The following IL1RAPL1 variants were observed in gnomAD, a reference collection of about 807,000 sequenced individuals.
IL1RAPL1 encodes interleukin-1 receptor accessory protein-like 1.
A neutral mutation model predicts 48.4 loss-of-function variants in IL1RAPL1; 3 were observed. The observed-to-expected ratio is 0.06, with a 90% CI of 0.03 to 0.16. The LOEUF is 0.16. Among genes scored for constraint, IL1RAPL1 ranks in the 10% least tolerant of loss-of-function variants. The probability of loss-of-function intolerance (pLI) is 1.00; values close to 1 mark genes in which losing one functional copy is unlikely to be tolerated. For synonymous variants in IL1RAPL1, 185 were observed against 187.7 expected (o/e 0.99, Z 0.12); for missense variants, 349 against 530.6 (o/e 0.66, Z 3.36).
chrX:28,840,558 T>G (rs1921342643), intron 2 of IL1RAPL1, among the ~76,000 whole-genome samples: 1 of 111,362 alleles, frequency 9.0e-6, no homozygotes, highest in Admixed American at 9.6e-5. Flanking sequence ...TATACTATTT[T>G]AGTTATTTAA....
intron 1 of IL1RAPL1, among the ~76,000 whole-genome samples, chrX:28,604,109 G>A (rs1934057748): frequency 8.9e-6 from 1 of 112,148 alleles, no homozygotes; most frequent in South Asian, 3.7e-4. Context: ...AAATTACAAG[G>A]TGATAAAAGT....
At chrX:28,768,172 T>C (rs1936262927) in intron 1 of IL1RAPL1, among the ~76,000 whole-genome samples, 1 of 111,939 alleles carries the variant, frequency 8.9e-6, no homozygotes, top group African/African-American at 3.2e-5. Flanking sequence ...TAACTCAGTT[T>C]CGTTGGAGTT....
chrX:28,839,431 A>G (rs1254436699), intron 2 of IL1RAPL1, among the ~76,000 whole-genome samples: 1 of 110,908 alleles, frequency 9.0e-6, no homozygotes, highest in Non-Finnish European at 1.9e-5. Context: ...ATTTAGATGG[A>G]CTTTAAAATA....
rs753225615 is a variant in IL1RAPL1 at position 29,242,492 on chromosome X, G to A, written c.83-40446G>A. Among the ~76,000 whole-genome samples the A allele has an allele frequency of 3.6e-4, 40 of 112,066 alleles. 2 individuals are homozygous for A. The highest frequency in any genetic ancestry group is 6.8e-4 in the Non-Finnish European group (36 of 53,266). Reference sequence around the variant, plus strand: ...TTATGATTACAGTCATATGAGATGAGCCACTTAATTGTATGGATCTTTAGA... The same window carrying A: ...TTATGATTACAGTCATATGAGATGAACCACTTAATTGTATGGATCTTTAGA... On this transcript the variant is annotated intron_variant, in intron 2 of 10. Coordinates refer to ENST00000378993, the MANE Select transcript of IL1RAPL1 (RefSeq NM_014271.4).
intron 6 of IL1RAPL1, among the ~76,000 whole-genome samples, chrX:29,902,739 TTTG>T (rs1220066309): frequency 8.9e-6 from 1 of 111,789 alleles, no homozygotes; most frequent in African/African-American, 3.2e-5. Flanking sequence ...CTCCAAGTTA[TTTG>T]TTGTTACTTA....
chrX:29,562,115 AATCTATCTATCTATCTATCTATCT>A (rs560107095), intron 5 of IL1RAPL1, among the ~76,000 whole-genome samples: 3 of 60,010 alleles, frequency 5.0e-5, no homozygotes, highest in East Asian at 5.1e-4. Context: ...CTATCTATCT[AATCTATCTATCTATCTATCTATCT>A]ATCTATCTAT....
chrX:29,879,192 C>T (rs1487013864), intron 6 of IL1RAPL1, among the ~76,000 whole-genome samples: 4 of 110,632 alleles, frequency 3.6e-5, no homozygotes, highest in Non-Finnish European at 7.6e-5. Flanking sequence ...ATTTATATGA[C>T]ATTCAGGAAA....
intron 6 of IL1RAPL1, among the ~76,000 whole-genome samples, chrX:29,807,621 C>CAAA (rs60391165): frequency 0.053 from 1,386 of 26,018 alleles, 300 homozygotes; most frequent in Non-Finnish European, 0.065. Flanking sequence ...TCTCTCAAGA[C>CAAA]AAAAAAAAAA....
chrX:28,942,498 C>A (rs994154733), intron 2 of IL1RAPL1: 1 of 107,814 alleles, frequency 9.3e-6, no homozygotes, highest in Non-Finnish European at 1.9e-5. Context: ...TAGGAAGTAT[C>A]CCTAAATTGT....
chrX:28,888,259 T>TAA lies in IL1RAPL1; in HGVS notation c.82+98846_82+98847dup, dbSNP rs11388171. On this transcript the variant is annotated intron_variant, in intron 2 of 10. Transcript: ENST00000378993. ...ATCGTCTTAATAGGCCACGTACTGG[T>TAA]AAAAAAAAAAAAACAAAAACATAAA... Among the ~76,000 whole-genome samples the TAA allele has an allele frequency of 1.9e-3, 184 of 94,476 alleles. 1 individual carries two copies. The highest frequency in any genetic ancestry group is 3.0e-3 in the Non-Finnish European group (139 of 46,665). The allele number at this position is 94,476 out of a possible 115,157, so 82.0% of individuals were successfully genotyped here. A position where few individuals can be genotyped will look rare whatever the true frequency, so the allele number is the denominator to read the frequency against.
chrX:29,001,692 T>G (rs1925855648), intron 2 of IL1RAPL1, among the ~76,000 whole-genome samples: 1 of 111,869 alleles, frequency 8.9e-6, no homozygotes, highest in African/African-American at 3.2e-5. Context: ...AAAGTTCATT[T>G]AAAAGAAAGA....
chrX:29,581,506 G>A (rs1258354769), intron 5 of IL1RAPL1, among the ~76,000 whole-genome samples: 1 of 111,613 alleles, frequency 9.0e-6, no homozygotes, highest in Non-Finnish European at 1.9e-5. Context: ...TGTCAGATGG[G>A]GAAATGAGAC....
At chrX:28,611,052 G>C (rs1200943033) in intron 1 of IL1RAPL1, among the ~76,000 whole-genome samples, 1 of 111,453 alleles carries the variant, frequency 9.0e-6, no homozygotes, top group Non-Finnish European at 1.9e-5. Flanking sequence ...GAATGTTACT[G>C]ACGGTGGTGG....
intron 2 of IL1RAPL1, among the ~76,000 whole-genome samples, chrX:29,058,799 A>G (rs1927280986): frequency 8.9e-6 from 1 of 111,836 alleles, no homozygotes; most frequent in African/African-American, 3.3e-5. Flanking sequence ...CAGCTGTTCT[A>G]CTTTCTAAGT....
chrX:28,621,521 C>T (rs959710651), intron 1 of IL1RAPL1, among the ~76,000 whole-genome samples: 57 of 111,744 alleles, frequency 5.1e-4, no homozygotes, highest in African/African-American at 1.6e-3. Flanking sequence ...TCTTTTATGT[C>T]TCTTTGTATT....
chrX:29,821,256 T>C (rs1458309720), intron 6 of IL1RAPL1, among the ~76,000 whole-genome samples: 1 of 110,284 alleles, frequency 9.1e-6, no homozygotes, highest in African/African-American at 3.3e-5. Flanking sequence ...GAGACTACCC[T>C]GGCTAACATG....
intron 1 of IL1RAPL1, among the ~76,000 whole-genome samples, chrX:28,722,357 A>G (rs1935596108): frequency 9.0e-6 from 1 of 111,496 alleles, no homozygotes; most frequent in African/African-American, 3.3e-5. Flanking sequence ...CTTTGAAGCA[A>G]TTGTGAATGG....
chrX:29,684,626 T>G (rs1194309212), intron 6 of IL1RAPL1, among the ~76,000 whole-genome samples: 1 of 111,893 alleles, frequency 8.9e-6, no homozygotes, highest in East Asian at 2.8e-4. Context: ...GTACTTCTGC[T>G]CTTTCAAGTA....
At chrX:28,972,382 A>C (rs769033521) in intron 2 of IL1RAPL1, among the ~76,000 whole-genome samples, 1 of 112,352 alleles carries the variant, frequency 8.9e-6, no homozygotes, top group Non-Finnish European at 1.9e-5. Context: ...CTTGATATAC[A>C]GAAAGATTAA....
Sources: allele counts gnomAD v4.1 joint callset (sites outside exome capture counted in the v4.1 genomes callset), GRCh38; gene constraint gnomAD v4.1.1; transcripts MANE v1.5; gene names NCBI Gene and HGNC (gene_info 2026-07-23, HGNC 2026-07-21).